Variants in CLK1 observed in about 807,000 individuals in gnomAD.
CLK1 encodes the protein dual specificity protein kinase CLK1.
Under a neutral mutation model 60.9 loss-of-function variants are expected in CLK1, and 40 were observed. That is an observed-to-expected ratio of 0.66 (90% CI 0.51 to 0.86). The LOEUF is 0.86. Among genes scored for constraint, CLK1 ranks in the 40% least tolerant of loss-of-function variants. The pLI is 0.00. For synonymous variants in CLK1, 203 were observed against 184.4 expected (o/e 1.10, Z -0.82); for missense variants, 563 against 606.1 (o/e 0.93, Z 0.75).
At position 200,857,759 on chromosome 2, in the gene CLK1, T is replaced by C. The variant is rs1019436585; in HGVS notation, c.791A>G (p.His264Arg). 2 of 1,610,620 alleles carry C rather than the reference T, an allele frequency of 1.2e-6. No individual in the cohort carries two copies. The highest frequency in any genetic ancestry group is 1.7e-6 in the Non-Finnish European group (2 of 1,178,442). Reference protein sequence around the residue: ...ENGFLPFRLDHIRKMAYQICK... With the variant: ...ENGFLPFRLDRIRKMAYQICK... Reference sequence around the variant, plus strand: ...TATCTGATATGCCATCTTTCTGATATGATCCAGTCGAAATGGTAGAAAACC... The same window carrying C: ...TATCTGATATGCCATCTTTCTGATACGATCCAGTCGAAATGGTAGAAAACC... Residue 264 changes from histidine (H) to arginine (R), a missense_variant, in exon 7 of 13, where the codon CAT (histidine) becomes CGT (arginine). This residue lies in a region of CLK1 where 360 missense variants were observed against 407.0 expected (regional missense o/e 0.88). Coordinates refer to ENST00000321356, the MANE Select transcript of CLK1 (RefSeq NM_004071.4).
chr2:200,856,095 T>C (rs72927098), intron 9 of CLK1, among the ~76,000 whole-genome samples: 8,737 of 151,528 alleles, frequency 0.058, 346 homozygotes, highest in South Asian at 0.096. Context: ...TTTTCTGAGA[T>C]GGAGTCTCGC....
intron 3 of CLK1, chr2:200,860,851 C>G (rs1187467690): frequency 9.5e-7 from 1 of 1,050,540 alleles, no homozygotes; most frequent in Non-Finnish European, 1.1e-6. Flanking sequence ...AGAAGCATAC[C>G]TAATCCTAAA....
chr2:200,864,481 G>A, intron 1 of CLK1, 83 bp downstream of exon 1: 1 of 474,856 alleles, frequency 2.1e-6, no homozygotes, highest in South Asian at 3.3e-5. Context: ...CAGCAAACAA[G>A]CAGGAAAAGG....
At chr2:200,856,150 G>T (rs946238398) in intron 9 of CLK1, among the ~76,000 whole-genome samples, 23 of 151,386 alleles carry the variant, frequency 1.5e-4, no homozygotes, top group African/African-American at 5.6e-4. Flanking sequence ...TTGGCTCACT[G>T]CAACCTCCGC....
intron 5 of CLK1, 49 bp from the exon 6 acceptor site, chr2:200,858,138 A>T: frequency 1.7e-6 from 2 of 1,162,822 alleles, no homozygotes; most frequent in South Asian, 2.4e-5. Flanking sequence ...ATGATGCTCA[A>T]TTCCAGGTAT....
intron 9 of CLK1, 34 bp from the exon 10 acceptor site, chr2:200,855,120 T>A: frequency 1.4e-6 from 2 of 1,461,100 alleles, no homozygotes; most frequent in Non-Finnish European, 1.9e-6. Flanking sequence ...GGAAAAAAAA[T>A]ACTCAATGTT....
chr2:200,858,676 G>A (rs2039083238), intron 5 of CLK1, among the ~76,000 whole-genome samples: 1 of 151,760 alleles, frequency 6.6e-6, no homozygotes, highest in Non-Finnish European at 1.5e-5. Context: ...CAGCCTGGGC[G>A]ACAGACCAAG....
intron 12 of CLK1, 123 bp from the exon 13 acceptor site, chr2:200,853,572 C>G (rs1252769024): frequency 2.3e-6 from 2 of 880,386 alleles, no homozygotes; most frequent in Non-Finnish European, 1.6e-6. Flanking sequence ...CAGGCATGGT[C>G]GCTCACGCCT....
chr2:200,862,515 A>T (rs2039156111), intron 1 of CLK1, among the ~76,000 whole-genome samples: 2 of 151,766 alleles, frequency 1.3e-5, no homozygotes, highest in Non-Finnish European at 2.9e-5. Flanking sequence ...CATTGCTCTT[A>T]ACTCCACCGC....
Position 200,856,846 on chromosome 2 carries a change from G to A in CLK1, c.928-35C>T, listed in dbSNP as rs766538174. 1.9e-5 allele frequency: 31 copies of A among 1,613,204 alleles called. No homozygotes were observed. In the African/African-American group the frequency reaches 3.3e-4, roughly 17 times the overall value. On this transcript the variant is annotated intron_variant, in intron 8 of 12. Transcript: ENST00000321356. ...ATAAATGATGGTTAAGAAGGCATAAGCTATTAAGGCATAAGATACTTTATG... is the reference window on the plus strand; with the variant it reads ...ATAAATGATGGTTAAGAAGGCATAAACTATTAAGGCATAAGATACTTTATG...
Position 200,861,451 on chromosome 2 carries a change from G to T in CLK1, c.177C>A (p.Ser59Arg). ...SKMCDSHYLE[S>R]RSINEKDYHS... ...GATAATCTTTCTCATTTATAGACCTGCTTTCCAAATAATGGCTAGAGAAAT... is the reference window on the plus strand; with the variant it reads ...GATAATCTTTCTCATTTATAGACCTTCTTTCCAAATAATGGCTAGAGAAAT... Residue 59 changes from serine to arginine, a missense_variant, in exon 3 of 13, where the codon AGC becomes AGA. Coordinates refer to ENST00000321356, the MANE Select transcript of CLK1 (RefSeq NM_004071.4). 6.2e-7 allele frequency: 1 copy of T among 1,612,378 alleles called. No individual in the cohort carries two copies. Among genetic ancestry groups the T allele is most frequent in the Non-Finnish European group, 8.5e-7 (1 of 1,179,546 alleles).
chr2:200,856,723 A>C lies in CLK1; in HGVS notation c.1016T>G (p.Leu339Trp). Residue 339 changes from leucine (L) to tryptophan (W), a missense_variant, in exon 9 of 13, where the codon TTG (leucine) becomes TGG (tryptophan). By Grantham distance (61) the Leu-to-Trp change is moderately conservative. Around this residue, in one of 3 missense-constraint regions of CLK1, gnomAD observed 360 missense variants for 407.0 expected, o/e 0.88. Transcript: ENST00000321356. ...TGCTCTATAATGTCTTGTAGATACC[A>C]ATGTACTGTGATGTTCGTCATCATA... ...ATYDDEHHSTLVSTRHYRAPE... is the reference protein window; with the variant it reads ...ATYDDEHHSTWVSTRHYRAPE... 1 of 1,612,178 alleles carries C rather than the reference A, an allele frequency of 6.2e-7. No individual in the cohort carries two copies. The highest frequency in any genetic ancestry group is 8.5e-7 in the Non-Finnish European group (1 of 1,179,414).
rs1225503490 is a variant in CLK1, at chr2:200,854,624, C to G, written c.1212G>C (p.Gln404His). 2 of 1,587,960 alleles carry G rather than the reference C, an allele frequency of 1.3e-6. No homozygotes were observed. The highest frequency in any genetic ancestry group is 8.6e-7 in the Non-Finnish European group (1 of 1,156,544). ...ILGPLPKHMI[Q>H]KTRKRKYFHH... Reference sequence around the variant, plus strand: ...TAACTCTTAAAACGTACCTGGTTTTCTGTATCATATGTTTTGGTAGAGGTC... The same window carrying G: ...TAACTCTTAAAACGTACCTGGTTTTGTGTATCATATGTTTTGGTAGAGGTC... Residue 404 changes from glutamine to histidine, a missense_variant, in exon 11 of 13, where the codon CAG becomes CAC. Physicochemically the swap from Gln to His is conservative, Grantham distance 24. This residue lies in a region of CLK1 where 360 missense variants were observed against 407.0 expected (regional missense o/e 0.88). Transcript: ENST00000321356.
At chr2:200,853,853 A>T in intron 12 of CLK1, 50 bp downstream of exon 12, 1 of 1,434,460 alleles carries the variant, frequency 7.0e-7, no homozygotes, top group Non-Finnish European at 9.7e-7. Context: ...TCAAAAGACA[A>T]ACAGAAGAAA....
chr2:200,861,551 C>T, intron 2 of CLK1, 85 bp from the exon 3 acceptor site: 1 of 1,562,828 alleles, frequency 6.4e-7, no homozygotes, highest in Non-Finnish European at 8.6e-7. Context: ...TAGACTCCCC[C>T]ACAAGCAGCT....
intron 1 of CLK1, among the ~76,000 whole-genome samples, chr2:200,862,101 C>CAAAAA (rs145681104): frequency 7.8e-6 from 1 of 128,454 alleles, no homozygotes. Flanking sequence ...TGGAAGAATG[C>CAAAAA]AAAAAAAAAA....
chr2:200,854,621 T>C lies in CLK1; in HGVS notation c.1215A>G (p.Lys405=). The C allele has an allele frequency of 6.3e-7, 1 of 1,585,924 alleles. No individual in the cohort carries two copies. Among genetic ancestry groups the C allele is most frequent in the African/African-American group, 1.3e-5 (1 of 74,492 alleles). ...CACTAACTCTTAAAACGTACCTGGT[T>C]TTCTGTATCATATGTTTTGGTAGAG... ...LGPLPKHMIQ[K]TRKRKYFHHD... is the part of the protein sequence containing the mutation. Residue 405 remains lysine, a synonymous_variant, in exon 11 of 13, where the codon AAA becomes AAG. Transcript: ENST00000321356.
intron 2 of CLK1, 73 bp downstream of exon 2, chr2:200,861,629 A>G (rs2039140072): frequency 3.8e-6 from 6 of 1,576,756 alleles, no homozygotes; most frequent in Non-Finnish European, 5.2e-6. Flanking sequence ...GTAATCAGGT[A>G]CTTATTTTAA....
intron 9 of CLK1, among the ~76,000 whole-genome samples, chr2:200,855,965 C>T (rs968791116): frequency 2.0e-5 from 3 of 150,290 alleles, no homozygotes; most frequent in African/African-American, 7.3e-5. Flanking sequence ...GCCAAGATTG[C>T]ACCACTGCAC....
Sources: gnomAD v4.1 joint callset for allele counts (sites outside exome capture counted in the v4.1 genomes callset) on GRCh38, gnomAD v4.1.1 for gene constraint, gnomAD v4.1.1 regional missense constraint, MANE v1.5 for transcripts, NCBI Gene and HGNC (gene_info 2026-07-23, HGNC 2026-07-21) for gene names.